GPHN: variants seen among roughly 807,000 people sequenced by gnomAD.
The protein encoded by GPHN is gephyrin.
In GPHN, 17 loss-of-function variants were observed where a neutral mutation model predicts 95.5. The ratio of observed to expected loss-of-function variants is 0.18; its 90% confidence interval spans 0.12 to 0.27. The LOEUF (loss-of-function observed/expected upper bound fraction) is 0.27, where lower values mean the gene tolerates loss of function less well. Ranked by LOEUF, GPHN falls within the 10% of genes least tolerant of loss-of-function variation. The probability of loss-of-function intolerance (pLI) is 1.00; values close to 1 mark genes in which losing one functional copy is unlikely to be tolerated. For missense variants in GPHN, 660 were observed against 978.1 expected (o/e 0.67, Z 4.34); for synonymous variants, 320 against 322.5 (o/e 0.99, Z 0.08).
chr14:67,383,531 CT>C, the GPHN span: 1 of 1,535,330 alleles, frequency 6.5e-7, no homozygotes, highest in Non-Finnish European at 8.9e-7. Context: ...GTATTGAAAA[CT>C]TCAAAGCTGA....
the GPHN span, among the ~76,000 whole-genome samples, chr14:67,682,179 A>G: frequency 6.6e-6 from 1 of 152,334 alleles, no homozygotes; most frequent in East Asian, 1.9e-4. Context: ...TGTCTTTACT[A>G]AAGACAGTAG....
chr14:66,601,375 G>A (rs2062234219), intron 1 of GPHN, among the ~76,000 whole-genome samples: 1 of 151,996 alleles, frequency 6.6e-6, no homozygotes, highest in African/African-American at 2.4e-5. Context: ...ATTTCATCAA[G>A]TTGGCTTATG....
chr14:67,291,170 G>T, the GPHN span, among the ~76,000 whole-genome samples: 1 of 150,964 alleles, frequency 6.6e-6, no homozygotes, highest in Non-Finnish European at 1.5e-5. Context: ...ATATGACAGA[G>T]TATATGTGCG....
the GPHN span, chr14:67,660,186 A>G: frequency 3.1e-6 from 1 of 324,346 alleles, no homozygotes; most frequent in Non-Finnish European, 5.7e-6. Flanking sequence ...TAGCTTACTA[A>G]ACACTTTTAT....
At chr14:66,915,887 T>C in intron 5 of GPHN, 116 bp from the exon 6 acceptor site, 2 of 737,968 alleles carry the variant, frequency 2.7e-6, no homozygotes. Context: ...GATAACACTT[T>C]TATTCCTAAA....
At chr14:67,039,024 C>T (rs1357245637) in intron 10 of GPHN, among the ~76,000 whole-genome samples, 1 of 152,158 alleles carries the variant, frequency 6.6e-6, no homozygotes, top group South Asian at 2.1e-4. Context: ...GTCTCTTGCT[C>T]CCTGACAGTC....
chr14:67,179,924 T>C (rs1267991974), intron 22 of GPHN, among the ~76,000 whole-genome samples: 1 of 152,232 alleles, frequency 6.6e-6, no homozygotes, highest in East Asian at 1.9e-4. Flanking sequence ...TTGACTAATG[T>C]CCTGTAATAA....
chr14:67,302,096 A>G, the GPHN span: 1 of 1,605,930 alleles, frequency 6.2e-7, no homozygotes, highest in East Asian at 2.3e-5. Context: ...GTTCGTATAG[A>G]AAAGGCTCGT....
intron 13 of GPHN, among the ~76,000 whole-genome samples, chr14:67,106,511 C>A (rs2078046927): frequency 6.6e-6 from 1 of 151,968 alleles, no homozygotes; most frequent in African/African-American, 2.4e-5. Flanking sequence ...TTCTCTCTGT[C>A]TCTCTCTCTT....
intron 1 of GPHN, among the ~76,000 whole-genome samples, chr14:66,580,221 A>G (rs1471537834): frequency 6.6e-6 from 1 of 151,894 alleles, no homozygotes; most frequent in Non-Finnish European, 1.5e-5. Context: ...GCAGCAAATC[A>G]TAAGAGAGAA....
intron 1 of GPHN, among the ~76,000 whole-genome samples, chr14:66,658,330 T>C (rs2065428086): frequency 6.6e-6 from 1 of 152,126 alleles, no homozygotes; most frequent in Non-Finnish European, 1.5e-5. Context: ...GTGAATATTA[T>C]TGGAATGACA....
the GPHN span, chr14:67,557,295 A>C: frequency 6.2e-7 from 1 of 1,613,838 alleles, no homozygotes; most frequent in South Asian, 1.1e-5. Context: ...AGAAGGTAAA[A>C]CTATCCAATC....
intron 2 of GPHN, among the ~76,000 whole-genome samples, chr14:66,720,451 G>T (rs77411176): frequency 0.16 from 24,359 of 152,126 alleles, 3,756 homozygotes; most frequent in East Asian, 0.45. Flanking sequence ...CTACTTGGGA[G>T]GCTAAGGCAT....
At chr14:67,397,857 G>A in the GPHN span, 1 of 1,576,066 alleles carries the variant, frequency 6.3e-7, no homozygotes, top group South Asian at 1.2e-5. Context: ...CCTGAGGTGA[G>A]GCGGTCAGTG....
chr14:67,400,947 A>T, the GPHN span, among the ~76,000 whole-genome samples: 1 of 151,882 alleles, frequency 6.6e-6, no homozygotes, highest in African/African-American at 2.4e-5. Flanking sequence ...CTATGATCAC[A>T]CCACAGCACT....
At chr14:66,822,759 A>AT (rs2061246611) in intron 3 of GPHN, among the ~76,000 whole-genome samples, 1 of 152,200 alleles carries the variant, frequency 6.6e-6, no homozygotes, top group East Asian at 1.9e-4. Flanking sequence ...ATAGATAAAC[A>AT]TTTTGGTGTT....
chr14:67,426,027 G>C, the GPHN span, among the ~76,000 whole-genome samples: 12 of 151,950 alleles, frequency 7.9e-5, no homozygotes, highest in Non-Finnish European at 1.6e-4. Context: ...TTACAGGCAT[G>C]AGCCACCATG....
chr14:66,710,011 A>G (rs763060236), intron 2 of GPHN, among the ~76,000 whole-genome samples: 5 of 152,104 alleles, frequency 3.3e-5, no homozygotes, highest in Non-Finnish European at 7.4e-5. Context: ...ATGGAAAGCT[A>G]TGTTGGAGGG....
chr14:66,697,022 CTT>C (rs2068146789), intron 2 of GPHN, among the ~76,000 whole-genome samples: 1 of 152,100 alleles, frequency 6.6e-6, no homozygotes, highest in African/African-American at 2.4e-5. Context: ...AAAGTAATGA[CTT>C]ATTATCTGTT....
Sources: allele counts gnomAD v4.1 joint callset (sites outside exome capture counted in the v4.1 genomes callset), GRCh38; gene constraint gnomAD v4.1.1; transcripts MANE v1.5; gene names NCBI Gene and HGNC (gene_info 2026-07-23, HGNC 2026-07-21).